The following LRP1B variants were observed in gnomAD, a reference collection of about 807,000 sequenced individuals.
LRP1B encodes the protein LDL receptor related protein 1B, also known as low-density lipoprotein receptor-related protein 1B.
LRP1B carries 217 observed loss-of-function variants against 556.6 expected under a neutral mutation model. The observed-to-expected ratio is 0.39, with a 90% CI of 0.35 to 0.44. The LOEUF is 0.44. LRP1B is among the 20% of genes least tolerant of loss of function. The pLI is 1.00. For missense variants in LRP1B, 5,053 were observed against 5,620.8 expected (o/e 0.90, Z 3.23); for synonymous variants, 2,047 against 1,865.8 (o/e 1.10, Z -2.50).
intron 2 of LRP1B, among the ~76,000 whole-genome samples, chr2:141,557,219 T>C (rs1265827465): frequency 6.6e-6 from 1 of 151,770 alleles, no homozygotes; most frequent in East Asian, 1.9e-4. Flanking sequence ...AAAAAAACTC[T>C]ACCACAAAGA....
intron 3 of LRP1B, among the ~76,000 whole-genome samples, chr2:141,442,781 C>G (rs1021174973): frequency 6.6e-6 from 1 of 152,086 alleles, no homozygotes; most frequent in African/African-American, 2.4e-5. Context: ...ATGGCTACAT[C>G]GTATTCCATG....
At chr2:141,102,729 A>T (rs1470463439) in intron 7 of LRP1B, among the ~76,000 whole-genome samples, 1 of 152,160 alleles carries the variant, frequency 6.6e-6, no homozygotes, top group Non-Finnish European at 1.5e-5. Context: ...TTTTATGTTG[A>T]TAGGCCATAA....
chr2:140,930,644 C>A (rs1322954332), intron 20 of LRP1B, among the ~76,000 whole-genome samples: 1 of 152,020 alleles, frequency 6.6e-6, no homozygotes, highest in East Asian at 1.9e-4. Flanking sequence ...AGGGAGAAGT[C>A]TTTTTCTTTT....
chr2:140,318,651 C>T (rs1412572207), intron 82 of LRP1B, among the ~76,000 whole-genome samples: 3 of 150,480 alleles, frequency 2.0e-5, no homozygotes, highest in African/African-American at 7.4e-5. Flanking sequence ...CTAGAATTTC[C>T]AATAACTCTG....
At position 140,497,373 on chromosome 2, in the gene LRP1B, A is replaced by G. The variant is rs78385244; in HGVS notation, c.8851-1625T>C. ...AATATTACTTTCCTTGAGAAGATCCATCCTGCCACCAGGAGGAATTGGTAC... is the reference window on the plus strand; with the variant it reads ...AATATTACTTTCCTTGAGAAGATCCGTCCTGCCACCAGGAGGAATTGGTAC... On this transcript the variant is annotated intron_variant, in intron 55 of 90. Transcript: ENST00000389484. Among the ~76,000 whole-genome samples, 302 of 152,108 alleles carry G rather than the reference A, an allele frequency of 2.0e-3. 2 individuals are homozygous for G. Among genetic ancestry groups the G allele is most frequent in the Admixed American group, 4.1e-3 (62 of 15,246 alleles).
At position 142,130,633 on chromosome 2, in the gene LRP1B, A is replaced by T; in HGVS notation, c.82+15T>A. 1 of 1,599,690 alleles carries T rather than the reference A, an allele frequency of 6.3e-7. No homozygotes were observed. The highest frequency in any genetic ancestry group is 1.1e-5 in the South Asian group (1 of 89,648). The stretch of plus-strand genomic sequence containing the variant: ...AGGAAGTCAGGGGAGGGGAGCGGGG[A>T]GGTGTTCTCCTTACCTCGGTCGGCT... On this transcript the variant is annotated intron_variant, in intron 1 of 90. Transcript: ENST00000389484.
At chr2:141,048,535 T>G (rs531371993) in intron 11 of LRP1B, among the ~76,000 whole-genome samples, 1 of 152,096 alleles carries the variant, frequency 6.6e-6, no homozygotes, top group South Asian at 2.1e-4. Context: ...CAGTGATGTG[T>G]AAAGTAAAAA....
chr2:140,512,213 ATCAT>A, intron 51 of LRP1B, among the ~76,000 whole-genome samples: 1 of 152,294 alleles, frequency 6.6e-6, no homozygotes, highest in East Asian at 1.9e-4. Flanking sequence ...GTATGACTAG[ATCAT>A]TACTGAGATA....
chr2:141,671,766 CAT>C (rs1690676404), intron 2 of LRP1B, among the ~76,000 whole-genome samples: 1 of 151,746 alleles, frequency 6.6e-6, no homozygotes, highest in Non-Finnish European at 1.5e-5. Flanking sequence ...AATCAAAAAA[CAT>C]ATACATAAAT....
chr2:141,716,782 T>G (rs936294070), intron 2 of LRP1B, among the ~76,000 whole-genome samples: 6 of 152,222 alleles, frequency 3.9e-5, no homozygotes, highest in Non-Finnish European at 8.8e-5. Flanking sequence ...TCTAGACTAA[T>G]ATGTCTAGCT....
intron 7 of LRP1B, among the ~76,000 whole-genome samples, chr2:141,063,193 C>T (rs1699388146): frequency 6.6e-6 from 1 of 151,796 alleles, no homozygotes; most frequent in Admixed American, 6.6e-5. Context: ...ATCCAATTTA[C>T]AGTGACTGAG....
chr2:140,841,143 A>C (rs2105098573), intron 29 of LRP1B, 51 bp from the exon 30 acceptor site: 1 of 1,217,136 alleles, frequency 8.2e-7, no homozygotes, highest in Non-Finnish European at 1.2e-6. Context: ...TTTTCATTGT[A>C]CTGGCTCTGC....
intron 67 of LRP1B, among the ~76,000 whole-genome samples, chr2:140,384,842 C>T (rs2105196329): frequency 6.6e-6 from 1 of 152,234 alleles, no homozygotes; most frequent in East Asian, 1.9e-4. Flanking sequence ...TGCTTCAAGT[C>T]TTCTTGGAAG....
chr2:140,821,192 G>A (rs7420763), intron 31 of LRP1B, among the ~76,000 whole-genome samples: 112,044 of 151,924 alleles, frequency 0.74, 42,407 homozygotes, highest in South Asian at 0.85. Context: ...ACCAGGTTTT[G>A]TTTTTAGGGT....
chr2:140,388,304 G>A (rs1176903291), intron 66 of LRP1B, among the ~76,000 whole-genome samples: 1 of 151,936 alleles, frequency 6.6e-6, no homozygotes, highest in Non-Finnish European at 1.5e-5. Flanking sequence ...GATCAGACTG[G>A]ACCAGAAAAA....
chr2:140,986,875 G>T (rs1696941872), intron 17 of LRP1B, among the ~76,000 whole-genome samples: 1 of 152,114 alleles, frequency 6.6e-6, no homozygotes, highest in African/African-American at 2.4e-5. Flanking sequence ...GCTTATTGTG[G>T]ACAAGGGTTT....
chr2:141,608,429 T>C (rs1687992490), intron 2 of LRP1B, among the ~76,000 whole-genome samples: 1 of 152,264 alleles, frequency 6.6e-6, no homozygotes, highest in Non-Finnish European at 1.5e-5. Flanking sequence ...CCAGAGCTTA[T>C]CACATGAACA....
At chr2:140,355,025 A>T (rs970311864) in intron 75 of LRP1B, among the ~76,000 whole-genome samples, 1 of 151,994 alleles carries the variant, frequency 6.6e-6, no homozygotes, top group African/African-American at 2.4e-5. Flanking sequence ...TTTATTTATT[A>T]AAAATAGATG....
At chr2:141,184,982 AAAG>A (rs1213468752) in intron 7 of LRP1B, among the ~76,000 whole-genome samples, 1 of 152,024 alleles carries the variant, frequency 6.6e-6, no homozygotes, top group Non-Finnish European at 1.5e-5. Flanking sequence ...ACAAGGTTGA[AAAG>A]AAAAAGGTCA....
Sources: gnomAD v4.1 joint callset for allele counts (sites outside exome capture counted in the v4.1 genomes callset) on GRCh38, gnomAD v4.1.1 for gene constraint, MANE v1.5 for transcripts, NCBI Gene and HGNC (gene_info 2026-07-23, HGNC 2026-07-21) for gene names.